The following HADH variants were observed in gnomAD, a reference collection of about 807,000 sequenced individuals.
The protein encoded by HADH is hydroxyacyl-coenzyme A dehydrogenase, mitochondrial.
A neutral mutation model predicts 32.2 loss-of-function variants in HADH; 24 were observed. The observed-to-expected ratio is 0.75, with a 90% CI of 0.54 to 1.05. HADH has a LOEUF of 1.05. Ranked by LOEUF, HADH falls within the 50% of genes least tolerant of loss-of-function variation. The pLI, the probability that HADH is intolerant of heterozygous loss-of-function variation, is 0.00. For synonymous variants in HADH, 139 were observed against 152.5 expected (o/e 0.91, Z 0.65); for missense variants, 350 against 397.1 (o/e 0.88, Z 1.01).
At chr4:108,033,678 G>A (rs1019878093) in intron 7 of HADH, among the ~76,000 whole-genome samples, 8 of 152,170 alleles carry the variant, frequency 5.3e-5, no homozygotes, top group African/African-American at 1.9e-4. Context: ...TCCATTGCAA[G>A]CAAGATACAC....
At position 108,023,690 on chromosome 4, in the gene HADH, A is replaced by G. The variant is rs4956034; in HGVS notation, c.636+127A>G. The stretch of plus-strand genomic sequence containing the variant: ...CATTGTATACTGCAAGCTTGTCCAC[A>G]TGCTGTAAAGAGCAATCCGTGCCTC... On this transcript the variant is annotated intron_variant, in intron 5 of 7. Coordinates refer to ENST00000309522, the MANE Select transcript of HADH (RefSeq NM_005327.7). 663,533 of 728,160 alleles carry G rather than the reference A, an allele frequency of 0.91. 304,103 individuals are homozygous for G. The highest frequency in any genetic ancestry group is 0.97 in the East Asian group (36,364 of 37,540). The allele number at this position is 728,160 out of a possible 1,614,324, so 45.1% of individuals were successfully genotyped here. A position where few individuals can be genotyped will look rare whatever the true frequency, so the allele number is the denominator to read the frequency against.
At position 108,034,894 on chromosome 4, in the gene HADH, C is replaced by T. The variant is rs1043070584; in HGVS notation, c.*537C>T. On this transcript the variant is annotated 3_prime_UTR_variant, in exon 8 of 8. Coordinates refer to ENST00000309522, the MANE Select transcript of HADH (RefSeq NM_005327.7). ...ACATAAGATGTGTCTTTATTCAGCT[C>T]GTCGTGAAGATGCTGCTGCTGAATG... 7 of 199,406 alleles carry T rather than the reference C, an allele frequency of 3.5e-5. No individual in the cohort carries two copies. The highest frequency in any genetic ancestry group is 1.1e-4 in the African/African-American group (5 of 43,494). 12.4% of individuals were successfully genotyped at this position (199,406 alleles called of 1,614,324 possible). A position where few individuals can be genotyped will look rare whatever the true frequency, so the allele number is the denominator to read the frequency against.
intron 1 of HADH, among the ~76,000 whole-genome samples, chr4:108,001,878 A>G (rs1179965155): frequency 2.0e-5 from 3 of 152,242 alleles, no homozygotes; most frequent in Non-Finnish European, 2.9e-5. Flanking sequence ...GAAACTACAG[A>G]AAGTAAAACC....
At chr4:108,006,299 A>T (rs1004752044) in intron 1 of HADH, among the ~76,000 whole-genome samples, 9 of 152,142 alleles carry the variant, frequency 5.9e-5, no homozygotes, top group Non-Finnish European at 1.2e-4. Context: ...GTTTGAGGAG[A>T]TAGATGGCAA....
At chr4:108,006,014 T>TGCTATTGCAGAGAAAGGG (rs1342764874) in intron 1 of HADH, among the ~76,000 whole-genome samples, 15 of 152,154 alleles carry the variant, frequency 9.9e-5, no homozygotes, top group Admixed American at 9.8e-4. Flanking sequence ...GCTAGAAAAG[T>TGCTATTGCAGAGAAAGGG]GCTATTGCAG....
intron 1 of HADH, among the ~76,000 whole-genome samples, chr4:107,996,793 C>T (rs766403645): frequency 1.6e-4 from 24 of 151,722 alleles, no homozygotes; most frequent in Admixed American, 5.9e-4. Context: ...ATTCAGGAGA[C>T]TGAGGTGGAA....
At chr4:107,999,567 G>C (rs1735056266) in intron 1 of HADH, among the ~76,000 whole-genome samples, 1 of 152,068 alleles carries the variant, frequency 6.6e-6, no homozygotes, top group South Asian at 2.1e-4. Flanking sequence ...TATCATAAAG[G>C]TTTCTAGCAA....
At chr4:107,991,432 A>G (rs1343846349) in intron 1 of HADH, among the ~76,000 whole-genome samples, 1 of 151,768 alleles carries the variant, frequency 6.6e-6, no homozygotes, top group East Asian at 1.9e-4. Context: ...GGTATTATAT[A>G]TCTCAATTTT....
In HADH at chr4:108,007,943, G is replaced by C. The variant is rs1735342909; in HGVS notation, c.133-1816G>C. On this transcript the variant is annotated intron_variant, in intron 1 of 7. Transcript: ENST00000309522. ...TATGACTGTAAGAAATGATGGCAAG[G>C]AACCTTGCACTTTTAGATTGGGTTG... Among the ~76,000 whole-genome samples the C allele has an allele frequency of 3.3e-5, 5 of 152,292 alleles. No homozygotes were observed. The South Asian group carries it at 1.0e-3, about 32-fold the overall frequency.
rs1735471387 is a variant in HADH, at chr4:108,010,958, TCTC to T, written c.261+1074_261+1076del. The stretch of plus-strand genomic sequence containing the variant: ...CCTCCACCTCCTGGGTTCAAGCAGT[TCTC>T]CTTCAGCCTCCCAAGTAGCTGGGAT... On this transcript the variant is annotated intron_variant, in intron 2 of 7. Transcript: ENST00000309522. Among the ~76,000 whole-genome samples, 4 of 152,016 alleles carry T rather than the reference TCTC, an allele frequency of 2.6e-5. No individual in the cohort carries two copies. The South Asian group carries it at 8.3e-4, about 32-fold the overall frequency.
chr4:108,032,268 G>A, intron 6 of HADH: 7 of 1,110,780 alleles, frequency 6.3e-6, no homozygotes, highest in Non-Finnish European at 9.5e-6. Context: ...TGGGGCCAAA[G>A]GACATAGTAA....
At chr4:107,999,015 T>C (rs953197619) in intron 1 of HADH, among the ~76,000 whole-genome samples, 3 of 152,230 alleles carry the variant, frequency 2.0e-5, no homozygotes, top group African/African-American at 7.2e-5. Flanking sequence ...CTAATAAGCC[T>C]GAACAATAAA....
intron 4 of HADH, among the ~76,000 whole-genome samples, chr4:108,021,200 A>C (rs1388958865): frequency 6.6e-6 from 1 of 152,164 alleles, no homozygotes; most frequent in East Asian, 1.9e-4. Flanking sequence ...GTACTTAGGG[A>C]CTAGTTGATT....
intron 4 of HADH, among the ~76,000 whole-genome samples, chr4:108,020,480 A>G (rs1271671152): frequency 6.6e-6 from 1 of 152,126 alleles, no homozygotes; most frequent in African/African-American, 2.4e-5. Flanking sequence ...GAATAAAAAA[A>G]CCCTAAAAGT....
chr4:107,997,078 A>G (rs945038475), intron 1 of HADH, among the ~76,000 whole-genome samples: 3 of 151,804 alleles, frequency 2.0e-5, no homozygotes, highest in African/African-American at 7.3e-5. Flanking sequence ...GATGCAACTG[A>G]TGTATGACTT....
intron 1 of HADH, among the ~76,000 whole-genome samples, chr4:107,996,509 C>T (rs139469903): frequency 2.0e-4 from 30 of 152,176 alleles, no homozygotes; most frequent in South Asian, 4.1e-4. Context: ...TAAAAATGGG[C>T]GCACACTTTC....
At chr4:108,034,136 T>C in intron 7 of HADH, 103 bp from the exon 8 acceptor site, 3 of 829,342 alleles carry the variant, frequency 3.6e-6, no homozygotes, top group Non-Finnish European at 6.4e-6. Context: ...CCTGGGGGGC[T>C]CTCCCACATC....
intron 2 of HADH, among the ~76,000 whole-genome samples, chr4:108,014,075 G>A (rs954482474): frequency 3.3e-5 from 5 of 152,192 alleles, no homozygotes; most frequent in African/African-American, 1.2e-4. Context: ...AGGCTCTTTG[G>A]CAGCAGAGGC....
At chr4:108,004,533 G>A (rs940058630) in intron 1 of HADH, 5 of 750,282 alleles carry the variant, frequency 6.7e-6, no homozygotes, top group African/African-American at 5.4e-5. Context: ...AGCACTTCTT[G>A]TTCTGTTTGT....
Sources: gnomAD v4.1 joint callset for allele counts (sites outside exome capture counted in the v4.1 genomes callset) on GRCh38, gnomAD v4.1.1 for gene constraint, MANE v1.5 for transcripts, NCBI Gene and HGNC (gene_info 2026-07-23, HGNC 2026-07-21) for gene names.